Variants in PPT2 observed in about 807,000 individuals in gnomAD.
The protein encoded by PPT2 is lysosomal thioesterase PPT2.
PPT2 carries 20 observed loss-of-function variants against 37.3 expected under a neutral mutation model. That is an observed-to-expected ratio of 0.54 (90% CI 0.38 to 0.78). The LOEUF is 0.78. Ranked by LOEUF, PPT2 falls within the 30% of genes least tolerant of loss-of-function variation. The probability of loss-of-function intolerance (pLI) is 0.00; values close to 1 mark genes in which losing one functional copy is unlikely to be tolerated. For missense variants in PPT2, 270 were observed against 389.8 expected (o/e 0.69, Z 2.59); for synonymous variants, 135 against 159.1 (o/e 0.85, Z 1.14).
At chr6:32,153,844 G>T, upstream of PPT2, 1 of 1,043,564 alleles carries the variant, frequency 9.6e-7, no homozygotes, top group Non-Finnish European at 1.3e-6. The surrounding 1 kb of genome is among the most constrained non-coding windows in gnomAD (Gnocchi z 4.4). Flanking sequence ...CGCCTGTATT[G>T]GGAAGTGGGG....
rs1783640881 is a variant in PPT2, at chr6:32,154,835, G to A, written c.183+58G>A. On this transcript the variant is annotated intron_variant, in intron 2 of 8. Transcript: ENST00000324816. The surrounding 1 kb of genome is among the most constrained non-coding windows in gnomAD (Gnocchi z 7.3). ...AGAGGCGTCTACTGTGGCAGGGGAG[G>A]GAGAGCGGGGAACTGAAAGCCACCC... 6.4e-7 allele frequency: 1 copy of A among 1,566,700 alleles called. No homozygotes were observed. The highest frequency in any genetic ancestry group is 1.4e-5 in the African/African-American group (1 of 73,730).
chr6:32,154,132 C>G, upstream of PPT2: 1 of 1,092,226 alleles, frequency 9.2e-7, no homozygotes, highest in Non-Finnish European at 1.1e-6. This position sits in a 1 kb window ranked among gnomAD's most constrained non-coding sequence, Gnocchi z 7.3. Flanking sequence ...GCCCTTCCCC[C>G]TCCCATCCGT....
At position 32,154,418 on chromosome 6, in the gene PPT2, G is replaced by A. The variant is rs1371852779; in HGVS notation, c.-9+14G>A. On this transcript the variant is annotated intron_variant, in intron 1 of 8. Coordinates refer to ENST00000324816, the MANE Select transcript of PPT2 (RefSeq NM_005155.7). This position sits in a 1 kb window ranked among gnomAD's most constrained non-coding sequence, Gnocchi z 7.3. ...GGGTGCGCGTTGGTGCGTCAACGTG[G>A]TGGGGGGGTGTGTTTGTAGGGAGAG... is the stretch of plus-strand genomic sequence containing the variant. 6.9e-7 allele frequency: 1 copy of A among 1,458,540 alleles called. No individual in the cohort carries two copies. The highest frequency in any genetic ancestry group is 2.4e-5 in the East Asian group (1 of 41,376). 90.3% of individuals were successfully genotyped at this position (1,458,540 alleles called of 1,614,324 possible).
upstream of PPT2, chr6:32,153,761 A>T (rs922481900): frequency 7.8e-6 from 10 of 1,275,178 alleles, no homozygotes; most frequent in African/African-American, 1.2e-4. This position sits in a 1 kb window ranked among gnomAD's most constrained non-coding sequence, Gnocchi z 4.4. Context: ...AATGCAGAGG[A>T]CTACCTTTCC....
rs1783895658 is a variant in PPT2 at position 32,157,830 on chromosome 6, C to T, written c.626-10C>T. The T allele has an allele frequency of 1.2e-6, 2 of 1,611,006 alleles. No homozygotes were observed. Among genetic ancestry groups the T allele is most frequent in the Non-Finnish European group, 1.7e-6 (2 of 1,178,262 alleles). ...TGGCTGACTCAGCCTCTCTTCTTCC[C>T]ATCCTACAGTATGGCGGAAGAACTT... On this transcript the variant is annotated splice_polypyrimidine_tract_variant and intron_variant, in intron 6 of 8. Transcript: ENST00000324816.
In PPT2 at chr6:32,154,462, G is replaced by A; in HGVS notation, c.-9+58G>A. 6.7e-7 allele frequency: 1 copy of A among 1,495,756 alleles called. No individual in the cohort carries two copies. Among genetic ancestry groups the A allele is most frequent in the East Asian group, 2.3e-5 (1 of 43,510 alleles). The allele number at this position is 1,495,756 out of a possible 1,614,324, so 92.7% of individuals were successfully genotyped here. On this transcript the variant is annotated intron_variant, in intron 1 of 8. Transcript: ENST00000324816. This position sits in a 1 kb window ranked among gnomAD's most constrained non-coding sequence, Gnocchi z 7.3. ...GGGAGAGGGCTGGAGTAAGTTAAAA[G>A]TAGGCTATTTTGTGACACGGACCTG...
At position 32,162,656 on chromosome 6, in the gene PPT2, G is replaced by A. The variant is rs756378215; in HGVS notation, c.765+34G>A. On this transcript the variant is annotated intron_variant, in intron 8 of 8. Coordinates refer to ENST00000324816, the MANE Select transcript of PPT2 (RefSeq NM_005155.7). This position sits in a 1 kb window ranked among gnomAD's most constrained non-coding sequence, Gnocchi z 5.5. Reference sequence around the variant, plus strand: ...CCTGGGATTACTTCCCCTTCTAGCCGCTGTCCCACCTTATTCCAGAGCCCT... The same window carrying A: ...CCTGGGATTACTTCCCCTTCTAGCCACTGTCCCACCTTATTCCAGAGCCCT... 3.2e-6 allele frequency: 5 copies of A among 1,584,008 alleles called. No homozygotes were observed. The highest frequency in any genetic ancestry group is 1.7e-5 in the Admixed American group (1 of 59,930).
rs1240360019 is a variant in PPT2, at chr6:32,155,436, G to A, written c.338-252G>A. Among the ~76,000 whole-genome samples the A allele has an allele frequency of 1.3e-5, 2 of 152,138 alleles. No homozygotes were observed. The highest frequency in any genetic ancestry group is 2.9e-5 in the Non-Finnish European group (2 of 68,030). ...TTGGACATAAGGGCTAATGGGGCAG[G>A]TAAAAACATCCTAGAACTAGAGGCA... On this transcript the variant is annotated intron_variant, in intron 3 of 8. Transcript: ENST00000324816. The surrounding 1 kb of genome is among the most constrained non-coding windows in gnomAD (Gnocchi z 4.3).
At chr6:32,153,576 C>T, upstream of PPT2, 1 of 1,577,092 alleles carries the variant, frequency 6.3e-7, no homozygotes, top group Non-Finnish European at 8.6e-7. This position sits in a 1 kb window ranked among gnomAD's most constrained non-coding sequence, Gnocchi z 4.4. Context: ...CTCAAGGGGC[C>T]TCGAGGACTC....
rs1004780547 is a variant in PPT2, at chr6:32,155,189, C to T, written c.337+6C>T. 4.3e-6 allele frequency: 7 copies of T among 1,612,908 alleles called. No homozygotes were observed. The highest frequency in any genetic ancestry group is 5.9e-6 in the Non-Finnish European group (7 of 1,179,906). On this transcript the variant is annotated splice_donor_region_variant and intron_variant, in intron 3 of 8. Coordinates refer to ENST00000324816, the MANE Select transcript of PPT2 (RefSeq NM_005155.7). The surrounding 1 kb of genome is among the most constrained non-coding windows in gnomAD (Gnocchi z 4.3). ...TCTCATCTGCTACTCGCAGGGTAGG[C>T]GACTCCCCTGCCCCTAACTCCTAAG...
Position 32,162,473 on chromosome 6 carries a change from G to T in PPT2, c.711-95G>T. 1 of 1,281,214 alleles carries T rather than the reference G, an allele frequency of 7.8e-7. No homozygotes were observed. The highest frequency in any genetic ancestry group is 1.1e-6 in the Non-Finnish European group (1 of 882,754). The allele number at this position is 1,281,214 out of a possible 1,614,324, so 79.4% of individuals were successfully genotyped here. ...GGCCTCAGGTGATTTGCCCTCCTTG[G>T]CCTCCCAAAGTGCTGCAATTACAGG... On this transcript the variant is annotated intron_variant, in intron 7 of 8. Coordinates refer to ENST00000324816, the MANE Select transcript of PPT2 (RefSeq NM_005155.7). This position sits in a 1 kb window ranked among gnomAD's most constrained non-coding sequence, Gnocchi z 5.5.
chr6:32,154,469 A>G lies in PPT2; in HGVS notation c.-9+65A>G. 6.7e-7 allele frequency: 1 copy of G among 1,497,428 alleles called. No individual in the cohort carries two copies. The highest frequency in any genetic ancestry group is 2.2e-5 in the Admixed American group (1 of 45,308). 92.8% of individuals were successfully genotyped at this position (1,497,428 alleles called of 1,614,324 possible). A position where few individuals can be genotyped will look rare whatever the true frequency, so the allele number is the denominator to read the frequency against. On this transcript the variant is annotated intron_variant, in intron 1 of 8. Coordinates refer to ENST00000324816, the MANE Select transcript of PPT2 (RefSeq NM_005155.7). The surrounding 1 kb of genome is among the most constrained non-coding windows in gnomAD (Gnocchi z 7.3). ...GGCTGGAGTAAGTTAAAAGTAGGCTATTTTGTGACACGGACCTGGTGTGGG... is the reference window on the plus strand; with the variant it reads ...GGCTGGAGTAAGTTAAAAGTAGGCTGTTTTGTGACACGGACCTGGTGTGGG...
In PPT2 at chr6:32,156,020, A is replaced by T. The variant is rs772441069; in HGVS notation, c.541+42A>T. 1.4e-6 allele frequency: 2 copies of T among 1,450,310 alleles called. No individual in the cohort carries two copies. The highest frequency in any genetic ancestry group is 3.4e-5 in the Admixed American group (2 of 59,688). 89.8% of individuals were successfully genotyped at this position (1,450,310 alleles called of 1,614,324 possible). On this transcript the variant is annotated intron_variant, in intron 5 of 8. Coordinates refer to ENST00000324816, the MANE Select transcript of PPT2 (RefSeq NM_005155.7). This position sits in a 1 kb window ranked among gnomAD's most constrained non-coding sequence, Gnocchi z 4.9. Reference sequence around the variant, plus strand: ...AACTGGGGCTTCCATGGATCAGGTCAGTTGCTTCCACCTCTGCTACAACCA... The same window carrying T: ...AACTGGGGCTTCCATGGATCAGGTCTGTTGCTTCCACCTCTGCTACAACCA...
intron 7 of PPT2, chr6:32,158,221 T>C (rs771895369): frequency 7.8e-6 from 3 of 382,528 alleles, no homozygotes; most frequent in Non-Finnish European, 1.4e-5. Flanking sequence ...AAAGATAGTA[T>C]AGCAAGGCCC....
Position 32,156,031 on chromosome 6 carries a change from C to A in PPT2, c.541+53C>A. The A allele has an allele frequency of 7.6e-7, 1 of 1,322,412 alleles. No homozygotes were observed. The highest frequency in any genetic ancestry group is 1.1e-6 in the Non-Finnish European group (1 of 914,958). The allele number at this position is 1,322,412 out of a possible 1,614,324, so 81.9% of individuals were successfully genotyped here. On this transcript the variant is annotated intron_variant, in intron 5 of 8. Coordinates refer to ENST00000324816, the MANE Select transcript of PPT2 (RefSeq NM_005155.7). This position sits in a 1 kb window ranked among gnomAD's most constrained non-coding sequence, Gnocchi z 4.9. ...CCATGGATCAGGTCAGTTGCTTCCA[C>A]CTCTGCTACAACCAATAGCAGTGAT... is the stretch of plus-strand genomic sequence containing the variant.
chr6:32,157,466 A>T (rs968603745), intron 5 of PPT2, 171 bp from the exon 6 acceptor site: 19 of 624,710 alleles, frequency 3.0e-5, no homozygotes, highest in Non-Finnish European at 4.6e-5. Context: ...ACCTGCCTCT[A>T]CCTCCCAAAG....
upstream of PPT2, chr6:32,153,715 T>C: frequency 6.6e-7 from 1 of 1,510,454 alleles, no homozygotes; most frequent in Non-Finnish European, 9.0e-7. This position sits in a 1 kb window ranked among gnomAD's most constrained non-coding sequence, Gnocchi z 4.4. Flanking sequence ...GCATCAGCCC[T>C]CCAGGCCACC....
intron 7 of PPT2, 92 bp downstream of exon 7, chr6:32,158,016 C>G (rs1476618196): frequency 8.8e-7 from 1 of 1,136,460 alleles, no homozygotes; most frequent in Non-Finnish European, 1.3e-6. Context: ...CCTGCTCCTT[C>G]CACTGTTCAG....
intron 5 of PPT2, chr6:32,157,356 G>A (rs1159041877): frequency 2.0e-6 from 1 of 496,226 alleles, no homozygotes; most frequent in South Asian, 2.2e-5. Context: ...GGGATTACAG[G>A]CATGCACCAC....
Sources: gnomAD v4.1 joint callset for allele counts (sites outside exome capture counted in the v4.1 genomes callset) on GRCh38, gnomAD v4.1.1 for gene constraint, Gnocchi (gnomAD v3.1) non-coding constraint, MANE v1.5 for transcripts, NCBI Gene and HGNC (gene_info 2026-07-23, HGNC 2026-07-21) for gene names.